The following ZNF831 variants were observed in gnomAD, a reference collection of about 807,000 sequenced individuals.
ZNF831 encodes chromosome 20 open reading frame 174.
ZNF831 carries 59 observed loss-of-function variants against 95.8 expected under a neutral mutation model. The ratio of observed to expected loss-of-function variants is 0.62; its 90% CI spans 0.50 to 0.77. The LOEUF (loss-of-function observed/expected upper bound fraction) is 0.77. Ranked by LOEUF, ZNF831 falls within the 30% of genes least tolerant of loss-of-function variation. ZNF831 has a pLI of 0.00. For missense variants in ZNF831, 2,205 were observed against 2,164.0 expected, an observed-to-expected ratio of 1.02 and a Z score of -0.38; for synonymous variants, 961 against 925.5, an observed-to-expected ratio of 1.04 and a Z score of -0.70.
At chr20:59,146,879 A>G (rs1979896718) in intron 2 of ZNF831, 1 of 152,262 alleles carries the variant, frequency 6.6e-6, no homozygotes, top group Non-Finnish European at 1.5e-5. Context: ...AACAAAGTCT[A>G]AAATAGAAGG....
At chr20:59,236,853 C>A (rs1987027239) in intron 4 of ZNF831, among the ~76,000 whole-genome samples, 1 of 152,024 alleles carries the variant, frequency 6.6e-6, no homozygotes, top group Non-Finnish European at 1.5e-5. Context: ...CAGCTTAAGA[C>A]AAGAAGAAAA....
rs1987976620 is a variant in ZNF831, at chr20:59,253,026, CTTG to C, written c.4081_4083del (p.Cys1361del). 5 of 1,614,014 alleles carry C rather than the reference CTTG, an allele frequency of 3.1e-6. No homozygotes were observed. The highest frequency in any genetic ancestry group is 2.5e-6 in the Non-Finnish European group (3 of 1,179,908). On this transcript the variant is annotated inframe_deletion, in exon 5 of 6. Transcript: ENST00000371030. The stretch of plus-strand genomic sequence containing the variant: ...TCTTGTGCCACCTCAGAATCACCTC[CTTG>C]TTGTGGGAAGGAAGAGAAGAAGGAA...
intron 4 of ZNF831, among the ~76,000 whole-genome samples, chr20:59,229,790 T>C (rs1986627958): frequency 6.6e-6 from 1 of 152,150 alleles, no homozygotes; most frequent in Non-Finnish European, 1.5e-5. Context: ...GGCACCATGC[T>C]TGTGTTTCAG....
chr20:59,254,353 A>G lies in ZNF831; in HGVS notation c.4644A>G (p.Ser1548=). The G allele has an allele frequency of 6.2e-7, 1 of 1,614,092 alleles. No homozygotes were observed. The highest frequency in any genetic ancestry group is 8.5e-7 in the Non-Finnish European group (1 of 1,180,008). ...RAQTLLPGRP[S]SGQRISDSVP... is the part of the protein sequence containing the mutation. The stretch of plus-strand genomic sequence containing the variant: ...AGACCCTCTTGCCAGGGAGACCTTC[A>G]TCTGGACAAAGAATTTCAGATTCGG... Residue 1548 remains serine (S), a synonymous_variant, in exon 6 of 6, where the codon TCA becomes TCG. Transcript: ENST00000371030. The surrounding 1 kb of genome is among the most constrained non-coding windows in gnomAD (Gnocchi z 4.5).
intron 3 of ZNF831, among the ~76,000 whole-genome samples, chr20:59,201,682 T>A (rs1036385054): frequency 6.6e-6 from 1 of 152,238 alleles, no homozygotes; most frequent in Non-Finnish European, 1.5e-5. Context: ...TATTTTTGTG[T>A]GTGGATATCT....
intron 4 of ZNF831, among the ~76,000 whole-genome samples, chr20:59,240,603 C>T (rs1388456734): frequency 1.3e-5 from 2 of 151,910 alleles, no homozygotes; most frequent in Non-Finnish European, 2.9e-5. Flanking sequence ...AGATGGAGAC[C>T]ATCCTGGCTA....
chr20:59,154,400 C>G (rs1309006166), intron 2 of ZNF831, among the ~76,000 whole-genome samples: 1 of 152,204 alleles, frequency 6.6e-6, no homozygotes, highest in East Asian at 1.9e-4. Flanking sequence ...ACCATGAGAA[C>G]TCAAGCTCTC....
At chr20:59,229,473 T>C (rs991989060) in intron 4 of ZNF831, among the ~76,000 whole-genome samples, 4 of 152,150 alleles carry the variant, frequency 2.6e-5, no homozygotes, top group Admixed American at 1.3e-4. Flanking sequence ...TGGGAGACCC[T>C]GAAAATCACA....
At chr20:59,197,259 G>A (rs984101006) in intron 3 of ZNF831, among the ~76,000 whole-genome samples, 7 of 152,146 alleles carry the variant, frequency 4.6e-5, no homozygotes, top group Non-Finnish European at 1.0e-4. Context: ...CTAACATTAT[G>A]GGGCACTTGC....
At chr20:59,195,778 G>C in intron 2 of ZNF831, 91 bp from the exon 3 acceptor site, 1 of 1,520,830 alleles carries the variant, frequency 6.6e-7, no homozygotes, top group African/African-American at 1.4e-5. Context: ...TCTGAAGACA[G>C]GCATCTTGTC....
rs1983564650 is a variant in ZNF831 at position 59,191,820 on chromosome 20, CTGTCCA to C, written c.802_807del (p.Cys268_Pro269del). 1 of 1,613,372 alleles carries C rather than the reference CTGTCCA, an allele frequency of 6.2e-7. No homozygotes were observed. Among genetic ancestry groups the C allele is most frequent in the Admixed American group, 1.7e-5 (1 of 60,010 alleles). On this transcript the variant is annotated inframe_deletion, in exon 2 of 6. Transcript: ENST00000371030. The stretch of plus-strand genomic sequence containing the variant: ...TGGATGTGAGGACCGAAGCTGCTCC[CTGTCCA>C]GGGTCCGCATTTGCCGACAGAGAGG...
At chr20:59,153,605 G>A (rs1185443864) in intron 2 of ZNF831, among the ~76,000 whole-genome samples, 1 of 150,976 alleles carries the variant, frequency 6.6e-6, no homozygotes, top group Admixed American at 6.6e-5. Context: ...GGGCTCACCA[G>A]CACACCCTAT....
At chr20:59,139,960 T>C (rs1340562064) in intron 1 of ZNF831, among the ~76,000 whole-genome samples, 1 of 152,228 alleles carries the variant, frequency 6.6e-6, no homozygotes, top group Non-Finnish European at 1.5e-5. Context: ...ACTTGTATTT[T>C]CATTTTTATG....
At chr20:59,253,866 C>A (rs1988031564) in intron 5 of ZNF831, 32 bp from the exon 6 acceptor site, 1 of 1,139,180 alleles carries the variant, frequency 8.8e-7, no homozygotes, top group South Asian at 1.7e-5. Flanking sequence ...ACCTCCCCCC[C>A]CACTTTTTTT....
chr20:59,139,388 T>C (rs1464577334), intron 1 of ZNF831, among the ~76,000 whole-genome samples: 1 of 152,202 alleles, frequency 6.6e-6, no homozygotes, highest in Non-Finnish European at 1.5e-5. Context: ...TTTTCCATTC[T>C]TGTTTCTGTT....
chr20:59,203,216 A>T (rs1984653858), intron 3 of ZNF831, among the ~76,000 whole-genome samples: 1 of 152,144 alleles, frequency 6.6e-6, no homozygotes, highest in Admixed American at 6.5e-5. Flanking sequence ...ATATAGAAGG[A>T]TTTATTTTTA....
At chr20:59,188,919 G>A (rs1420363925) in intron 1 of ZNF831, among the ~76,000 whole-genome samples, 2 of 152,154 alleles carry the variant, frequency 1.3e-5, no homozygotes, top group Non-Finnish European at 2.9e-5. Context: ...GGTGGCTCAT[G>A]CCTATAATCC....
intron 1 of ZNF831, among the ~76,000 whole-genome samples, chr20:59,141,019 C>T (rs1462946088): frequency 6.6e-6 from 1 of 152,196 alleles, no homozygotes; most frequent in Non-Finnish European, 1.5e-5. Flanking sequence ...TCTGCCTCAG[C>T]CTCCCGAGTA....
chr20:59,216,638 C>T (rs903798441), intron 4 of ZNF831, among the ~76,000 whole-genome samples: 16 of 152,056 alleles, frequency 1.1e-4, no homozygotes, highest in Middle Eastern at 6.3e-3. Context: ...GAGTGGGGGA[C>T]AGGCACATGT....
Sources: allele counts gnomAD v4.1 joint callset (sites outside exome capture counted in the v4.1 genomes callset), GRCh38; gene constraint gnomAD v4.1.1; non-coding constraint Gnocchi (gnomAD v3.1); transcripts MANE v1.5; gene names NCBI Gene and HGNC (gene_info 2026-07-23, HGNC 2026-07-21).